The following ZBTB38 variants were observed in gnomAD, a reference collection of about 807,000 sequenced individuals.
ZBTB38 encodes zinc finger and BTB domain containing 38.
Under a neutral mutation model 76.8 loss-of-function variants are expected in ZBTB38, and 20 were observed. The observed-to-expected ratio is 0.26, with a 90% CI of 0.18 to 0.38. The LOEUF (loss-of-function observed/expected upper bound fraction) is 0.38. Ranked by LOEUF, ZBTB38 falls within the 10% of genes least tolerant of loss-of-function variation. The probability of loss-of-function intolerance (pLI) is 1.00; values close to 1 mark genes in which losing one functional copy is unlikely to be tolerated. For synonymous variants in ZBTB38, 504 were observed against 544.2 expected, an observed-to-expected ratio of 0.93 and a Z score of 1.03; for missense variants, 1,082 against 1,482.3, an observed-to-expected ratio of 0.73 and a Z score of 4.43.
intron 1 of ZBTB38, among the ~76,000 whole-genome samples, chr3:141,352,204 A>T (rs1242762362): frequency 6.6e-6 from 1 of 152,128 alleles, no homozygotes; most frequent in African/African-American, 2.4e-5. Flanking sequence ...GAGCAGAAAA[A>T]GAAGCTAGAG....
intron 3 of ZBTB38, among the ~76,000 whole-genome samples, chr3:141,381,869 C>A (rs1297547283): frequency 1.3e-5 from 2 of 152,014 alleles, no homozygotes; most frequent in Non-Finnish European, 2.9e-5. Flanking sequence ...CTGGAAGGGA[C>A]CTGAGACAGA....
At chr3:141,393,164 T>C (rs961325863) in intron 4 of ZBTB38, among the ~76,000 whole-genome samples, 8 of 152,246 alleles carry the variant, frequency 5.3e-5, no homozygotes, top group African/African-American at 1.9e-4. Context: ...AGTGGAGGCT[T>C]TCATTATATG....
chr3:141,430,999 A>C (rs1443182140), intron 5 of ZBTB38, among the ~76,000 whole-genome samples: 1 of 152,006 alleles, frequency 6.6e-6, no homozygotes, highest in African/African-American at 2.4e-5. Context: ...ATCATTCCCC[A>C]CAGCATTCAG....
At chr3:141,403,228 GT>G (rs1323565273) in intron 4 of ZBTB38, 2 of 152,210 alleles carry the variant, frequency 1.3e-5, no homozygotes, top group African/African-American at 4.8e-5. Context: ...GGTGATATGT[GT>G]TATGGTGCCT....
At chr3:141,339,409 T>C (rs1201982328) in intron 1 of ZBTB38, among the ~76,000 whole-genome samples, 1 of 152,126 alleles carries the variant, frequency 6.6e-6, no homozygotes, top group Admixed American at 6.6e-5. Flanking sequence ...TCATCCTGGC[T>C]CCTATGTGGA....
chr3:141,436,410 G>C (rs542671254), intron 5 of ZBTB38, among the ~76,000 whole-genome samples: 1 of 152,248 alleles, frequency 6.6e-6, no homozygotes, highest in Non-Finnish European at 1.5e-5. Context: ...GTGTGTGTTG[G>C]GGACACAGCC....
intron 1 of ZBTB38, among the ~76,000 whole-genome samples, chr3:141,360,697 G>A (rs993693148): frequency 2.0e-5 from 3 of 152,072 alleles, no homozygotes; most frequent in South Asian, 2.1e-4. Flanking sequence ...TCTTCACCTC[G>A]GCACTATCGA....
chr3:141,414,814 T>C (rs145739333), intron 5 of ZBTB38, among the ~76,000 whole-genome samples: 1 of 152,272 alleles, frequency 6.6e-6, no homozygotes, highest in African/African-American at 2.4e-5. Flanking sequence ...TTTTCTGAAA[T>C]ATCAAACAGT....
chr3:141,418,160 A>G lies in ZBTB38; in HGVS notation c.-1+14129A>G, dbSNP rs1192478086. ...AGTATGTAGTTAGGGGGTGAGAACT[A>G]TGGGACTAGAGGATAAGGCCCAAAC... is the stretch of plus-strand genomic sequence containing the variant. On this transcript the variant is annotated intron_variant, in intron 5 of 5. Transcript: ENST00000321464. Among the ~76,000 whole-genome samples the G allele has an allele frequency of 7.2e-5, 11 of 152,280 alleles. No homozygotes were observed. The East Asian group carries it at 2.1e-3, about 29-fold the overall frequency.
chr3:141,334,322 A>AG (rs1942943733), intron 1 of ZBTB38, among the ~76,000 whole-genome samples: 1 of 151,592 alleles, frequency 6.6e-6, no homozygotes, highest in African/African-American at 2.4e-5. Flanking sequence ...TGGGAATGTG[A>AG]GGGGGGATGC....
intron 4 of ZBTB38, among the ~76,000 whole-genome samples, chr3:141,393,703 G>T (rs1949568044): frequency 6.6e-6 from 1 of 152,130 alleles, no homozygotes; most frequent in South Asian, 2.1e-4. Flanking sequence ...GGCAGCCAGG[G>T]GGACAAAAGG....
At chr3:141,389,107 A>G (rs1948025183) in intron 4 of ZBTB38, 2 of 152,224 alleles carry the variant, frequency 1.3e-5, no homozygotes, top group Non-Finnish European at 2.9e-5. Flanking sequence ...GTGCACCCTG[A>G]ACCTTTGTGG....
At chr3:141,359,062 A>G (rs991817666) in intron 1 of ZBTB38, among the ~76,000 whole-genome samples, 1 of 152,240 alleles carries the variant, frequency 6.6e-6, no homozygotes, top group African/African-American at 2.4e-5. Context: ...TGAACTACAA[A>G]TGGCATAAAT....
intron 4 of ZBTB38, among the ~76,000 whole-genome samples, chr3:141,399,533 G>A (rs779912779): frequency 6.6e-6 from 1 of 152,150 alleles, no homozygotes; most frequent in Non-Finnish European, 1.5e-5. Flanking sequence ...TGCTTGAAGG[G>A]AAAGAGATAA....
At chr3:141,340,942 G>GAAAAGAAAAGA (rs1195708609) in intron 1 of ZBTB38, among the ~76,000 whole-genome samples, 1,289 of 101,104 alleles carry the variant, frequency 0.013, 20 homozygotes, top group East Asian at 0.055. Context: ...GAAAAGAAAA[G>GAAAAGAAAAGA]AAAGAAGGAA....
chr3:141,412,237 A>C (rs2149876183), intron 5 of ZBTB38, among the ~76,000 whole-genome samples: 1 of 152,294 alleles, frequency 6.6e-6, no homozygotes, highest in Admixed American at 6.5e-5. Context: ...GGGAAGAAAA[A>C]AAAATGGTTT....
chr3:141,367,809 GTATT>G (rs1238231001), upstream of ZBTB38: 2 of 152,166 alleles, frequency 1.3e-5, no homozygotes, highest in African/African-American at 4.8e-5. Context: ...TTCACTCTAA[GTATT>G]TAATATGTGT....
intron 1 of ZBTB38, among the ~76,000 whole-genome samples, chr3:141,334,431 TCC>T (rs1491549629): frequency 4.7e-5 from 6 of 128,692 alleles, no homozygotes; most frequent in Non-Finnish European, 8.2e-5. Flanking sequence ...CTTCCTTCCT[TCC>T]TTCCTTCCTT....
At chr3:141,430,011 G>C (rs2077141748) in intron 5 of ZBTB38, among the ~76,000 whole-genome samples, 1 of 152,194 alleles carries the variant, frequency 6.6e-6, no homozygotes, top group African/African-American at 2.4e-5. Flanking sequence ...GAAGGGCTTT[G>C]AGCAGGGCTT....
Sources: gnomAD v4.1 joint callset for allele counts (sites outside exome capture counted in the v4.1 genomes callset) on GRCh38, gnomAD v4.1.1 for gene constraint, MANE v1.5 for transcripts, NCBI Gene and HGNC (gene_info 2026-07-23, HGNC 2026-07-21) for gene names.